SPIDR: variants seen among roughly 807,000 people sequenced by gnomAD.
SPIDR encodes the protein scaffold protein involved in DNA repair.
Under a neutral mutation model 104.6 loss-of-function variants are expected in SPIDR, and 93 were observed. That is an observed-to-expected ratio of 0.89 (90% CI 0.75 to 1.06). The LOEUF (loss-of-function observed/expected upper bound fraction) is 1.06, where lower values mean the gene tolerates loss of function less well. Among genes scored for constraint, SPIDR ranks in the 50% least tolerant of loss-of-function variants. The pLI is 0.00. For synonymous variants in SPIDR, 431 were observed against 416.9 expected (o/e 1.03, Z -0.41); for missense variants, 1,154 against 1,111.2 (o/e 1.04, Z -0.55).
At chr8:47,729,527 C>T (rs2084866398) in intron 19 of SPIDR, 62 bp downstream of exon 19, 2 of 1,536,696 alleles carry the variant, frequency 1.3e-6, no homozygotes, top group East Asian at 2.4e-5. Context: ...AGCAACTCAT[C>T]CCCAGAGGAA....
chr8:47,299,238 T>G (rs1429799904), intron 5 of SPIDR, among the ~76,000 whole-genome samples: 9 of 151,726 alleles, frequency 5.9e-5, no homozygotes, highest in African/African-American at 2.2e-4. Flanking sequence ...AGTTCACTCA[T>G]GATTTGGCTC....
At chr8:47,300,308 C>T (rs1554576366) in intron 5 of SPIDR, among the ~76,000 whole-genome samples, 2 of 152,166 alleles carry the variant, frequency 1.3e-5, no homozygotes, top group African/African-American at 2.4e-5. Context: ...TCCCCTTTAT[C>T]ATTTTTTATT....
chr8:47,587,344 G>A (rs189260634), intron 8 of SPIDR, among the ~76,000 whole-genome samples: 4 of 151,944 alleles, frequency 2.6e-5, no homozygotes, highest in African/African-American at 7.3e-5. Flanking sequence ...GGTAGGCTGC[G>A]CACAGGGGCC....
chr8:47,589,980 C>T (rs2060792793), intron 8 of SPIDR, among the ~76,000 whole-genome samples: 1 of 151,936 alleles, frequency 6.6e-6, no homozygotes, highest in South Asian at 2.1e-4. Context: ...CCATCCTGAC[C>T]AACATGGTGA....
At chr8:47,651,500 G>A (rs149207342) in intron 10 of SPIDR, among the ~76,000 whole-genome samples, 1 of 152,276 alleles carries the variant, frequency 6.6e-6, no homozygotes, top group African/African-American at 2.4e-5. Flanking sequence ...CAGTACTGGT[G>A]GGAATGTAAA....
intron 8 of SPIDR, among the ~76,000 whole-genome samples, chr8:47,588,240 T>G (rs2060541181): frequency 6.6e-6 from 1 of 150,396 alleles, no homozygotes; most frequent in African/African-American, 2.4e-5. Context: ...GATCTTTGAT[T>G]TATTTTATCA....
At chr8:47,323,799 T>C (rs1228906219) in intron 5 of SPIDR, among the ~76,000 whole-genome samples, 1 of 152,158 alleles carries the variant, frequency 6.6e-6, no homozygotes, top group Non-Finnish European at 1.5e-5. Flanking sequence ...CTTCTACTTC[T>C]TCAGATCTCC....
rs117463073 is a variant in SPIDR, at chr8:47,686,937, G to C, written c.1685+12996G>C. Among the ~76,000 whole-genome samples the C allele has an allele frequency of 3.0e-4, 45 of 150,938 alleles. No homozygotes were observed. The East Asian group carries it at 8.5e-3, about 29-fold the overall frequency. On this transcript the variant is annotated intron_variant, in intron 11 of 19. Transcript: ENST00000297423. ...CACTGCCTGCTTTTGGTTTAGTTAGGGTTCTTTTTTTTTTTCAAAGTTTAC... is the reference window on the plus strand; with the variant it reads ...CACTGCCTGCTTTTGGTTTAGTTAGCGTTCTTTTTTTTTTTCAAAGTTTAC...
chr8:47,659,362 C>T (rs559854039), intron 10 of SPIDR, among the ~76,000 whole-genome samples: 1 of 152,316 alleles, frequency 6.6e-6, no homozygotes, highest in Non-Finnish European at 1.5e-5. Context: ...TAAAAGTTTA[C>T]ATGTCACATT....
At chr8:47,550,502 C>T (rs771866230) in intron 8 of SPIDR, among the ~76,000 whole-genome samples, 7 of 152,086 alleles carry the variant, frequency 4.6e-5, no homozygotes, top group Non-Finnish European at 1.0e-4. Context: ...AGTTGGATTC[C>T]TAGGTTTTTT....
chr8:47,610,884 C>G (rs1050352201), intron 10 of SPIDR, among the ~76,000 whole-genome samples: 1 of 152,184 alleles, frequency 6.6e-6, no homozygotes, highest in Non-Finnish European at 1.5e-5. Context: ...GACTAACAAC[C>G]AGGTATTAAA....
intron 8 of SPIDR, among the ~76,000 whole-genome samples, chr8:47,446,218 T>C (rs2070572290): frequency 6.6e-6 from 1 of 152,200 alleles, no homozygotes; most frequent in African/African-American, 2.4e-5. Context: ...CTGGTGACTT[T>C]AAATTGAATC....
chr8:47,644,307 C>T (rs1052015499), intron 10 of SPIDR, among the ~76,000 whole-genome samples: 6 of 152,234 alleles, frequency 3.9e-5, no homozygotes, highest in African/African-American at 1.2e-4. Flanking sequence ...TAAATCTGAA[C>T]GGAAGCTGAT....
At chr8:47,723,424 C>CTT (rs1172759816) in intron 16 of SPIDR, among the ~76,000 whole-genome samples, 91 of 129,372 alleles carry the variant, frequency 7.0e-4, no homozygotes, top group African/African-American at 1.5e-3. Flanking sequence ...ATCAATTATA[C>CTT]TTTTTTTTTT....
chr8:47,729,107 G>A, intron 18 of SPIDR, 60 bp downstream of exon 18: 3 of 1,591,408 alleles, frequency 1.9e-6, no homozygotes, highest in Non-Finnish European at 2.6e-6. Flanking sequence ...GCGAAGGTGA[G>A]ACAGAGCTGA....
intron 1 of SPIDR, 31 bp downstream of exon 1, chr8:47,261,022 C>A (rs1213806698): frequency 8.2e-7 from 1 of 1,226,930 alleles, no homozygotes; most frequent in Non-Finnish European, 1.0e-6. Context: ...GGGCGCCGCG[C>A]CGTTTCCCGC....
intron 8 of SPIDR, among the ~76,000 whole-genome samples, chr8:47,575,395 G>A (rs2058958842): frequency 6.6e-6 from 1 of 152,092 alleles, no homozygotes; most frequent in Admixed American, 6.5e-5. Context: ...TGTAATCCCA[G>A]CACTTTGGGA....
chr8:47,288,416 C>T (rs1470489930), intron 3 of SPIDR, among the ~76,000 whole-genome samples: 3 of 152,064 alleles, frequency 2.0e-5, no homozygotes, highest in Admixed American at 1.3e-4. Context: ...TCCCGAGTAG[C>T]TGGGATTACA....
chr8:47,575,731 G>A (rs948454077), intron 8 of SPIDR, among the ~76,000 whole-genome samples: 11 of 151,620 alleles, frequency 7.3e-5, no homozygotes, highest in Non-Finnish European at 1.2e-4. Flanking sequence ...GGAGGCCAAG[G>A]CAGGTGGATC....
Sources: gnomAD v4.1 joint callset for allele counts (sites outside exome capture counted in the v4.1 genomes callset) on GRCh38, gnomAD v4.1.1 for gene constraint, MANE v1.5 for transcripts, NCBI Gene and HGNC (gene_info 2026-07-23, HGNC 2026-07-21) for gene names.